AFAP1: variants seen among roughly 807,000 people sequenced by gnomAD.
AFAP1 encodes actin filament associated protein 1.
A neutral mutation model predicts 93.9 loss-of-function variants in AFAP1; 75 were observed. That is an observed-to-expected ratio of 0.80 (90% CI 0.66 to 0.97). The LOEUF (loss-of-function observed/expected upper bound fraction) is 0.97. AFAP1 is among the 50% of genes least tolerant of loss of function. AFAP1 has a pLI of 0.00. For missense variants in AFAP1, 1,201 were observed against 1,050.8 expected, an observed-to-expected ratio of 1.14 and a Z score of -1.98; for synonymous variants, 517 against 430.7, an observed-to-expected ratio of 1.20 and a Z score of -2.48.
intron 1 of AFAP1, among the ~76,000 whole-genome samples, chr4:7,894,455 G>T (rs529035021): frequency 3.5e-4 from 53 of 152,326 alleles, no homozygotes; most frequent in African/African-American, 1.0e-3. Flanking sequence ...TAGCACAGAG[G>T]AGCGTGAATT....
chr4:7,847,205 C>G (rs1237884797), intron 4 of AFAP1, among the ~76,000 whole-genome samples: 1 of 152,076 alleles, frequency 6.6e-6, no homozygotes, highest in Non-Finnish European at 1.5e-5. Context: ...GTGTCCCAAT[C>G]AAGAGAACTC....
chr4:7,933,193 C>G lies in AFAP1; in HGVS notation c.-3+6463G>C, dbSNP rs562077103. On this transcript the variant is annotated intron_variant, in intron 1 of 17. Coordinates refer to ENST00000420658, the MANE Select transcript of AFAP1 (RefSeq NM_001134647.2). Reference sequence around the variant, plus strand: ...CCCCGAGACCTGTGACTACGTCACACGGCATGGCCAAAGGGCTTTGCCACA... The same window carrying G: ...CCCCGAGACCTGTGACTACGTCACAGGGCATGGCCAAAGGGCTTTGCCACA... Among the ~76,000 whole-genome samples the G allele has an allele frequency of 5.2e-4, 79 of 152,166 alleles. 1 individual carries two copies. In the Middle Eastern group the frequency reaches 0.01, roughly 20 times the overall value.
intron 16 of AFAP1, among the ~76,000 whole-genome samples, chr4:7,770,463 A>T (rs1715275776): frequency 6.6e-6 from 1 of 152,204 alleles, no homozygotes; most frequent in African/African-American, 2.4e-5. Context: ...GGAGGGGCAG[A>T]GGACACTGCA....
At chr4:7,794,446 C>T (rs1577216222) in intron 10 of AFAP1, among the ~76,000 whole-genome samples, 1 of 152,210 alleles carries the variant, frequency 6.6e-6, no homozygotes, top group African/African-American at 2.4e-5. Context: ...CTATCTCCTC[C>T]ATTTGGTCTG....
intron 3 of AFAP1, among the ~76,000 whole-genome samples, chr4:7,856,431 C>T (rs563867180): frequency 6.6e-6 from 1 of 152,044 alleles, no homozygotes; most frequent in Non-Finnish European, 1.5e-5. Context: ...TTAGTAGAGA[C>T]AGGGTTTCAC....
intron 9 of AFAP1, among the ~76,000 whole-genome samples, chr4:7,803,188 A>T (rs1474917364): frequency 6.6e-6 from 1 of 152,226 alleles, no homozygotes. Context: ...AGGAAGAGGA[A>T]GGCAAGGAGT....
intron 12 of AFAP1, among the ~76,000 whole-genome samples, chr4:7,785,094 C>G (rs1274450487): frequency 6.6e-6 from 1 of 152,194 alleles, no homozygotes; most frequent in East Asian, 1.9e-4. Context: ...TCTCACAAGC[C>G]TCCTTCATTC....
Position 7,838,514 on chromosome 4 carries a change from GACA to G in AFAP1, c.726+7_726+9del. The stretch of plus-strand genomic sequence containing the variant: ...ACTGAAATGGCTGTGAAACACAGCA[GACA>G]ACCTACCTTCAGCCACTGCTCGGCC... On this transcript the variant is annotated splice_region_variant and intron_variant, in intron 6 of 17. Coordinates refer to ENST00000420658, the MANE Select transcript of AFAP1 (RefSeq NM_001134647.2). The G allele has an allele frequency of 1.2e-6, 2 of 1,609,092 alleles. No homozygotes were observed. Among genetic ancestry groups the G allele is most frequent in the South Asian group, 2.2e-5 (2 of 90,376 alleles).
In AFAP1 at chr4:7,844,727, G is replaced by A. The variant is rs138557991; in HGVS notation, c.335-1377C>T. On this transcript the variant is annotated intron_variant, in intron 4 of 17. Transcript: ENST00000420658. The stretch of plus-strand genomic sequence containing the variant: ...CAAAGCCCTTGGAAGGGCCAATGGC[G>A]TAGTAAAAGGTCTTCCTAAATACCA... Among the ~76,000 whole-genome samples the A allele has an allele frequency of 3.7e-3, 561 of 152,356 alleles. 3 individuals are homozygous for A. Among genetic ancestry groups the A allele is most frequent in the African/African-American group, 0.012 (498 of 41,586 alleles).
intron 1 of AFAP1, among the ~76,000 whole-genome samples, chr4:7,917,272 T>C (rs2149232286): frequency 6.6e-6 from 1 of 152,262 alleles, no homozygotes; most frequent in East Asian, 1.9e-4. Flanking sequence ...TGTATCGTCA[T>C]GAAAGGATAT....
chr4:7,830,252 C>T (rs541344342), intron 6 of AFAP1, among the ~76,000 whole-genome samples: 2 of 151,844 alleles, frequency 1.3e-5, no homozygotes, highest in South Asian at 4.2e-4. Flanking sequence ...TCCTGCACCG[C>T]TGGGAGAAGG....
intron 14 of AFAP1, chr4:7,776,896 G>C (rs10516188): frequency 0.11 from 16,391 of 152,156 alleles, 1,158 homozygotes; most frequent in East Asian, 0.28. Flanking sequence ...CACATCTTTT[G>C]GTCCCCATGT....
intron 1 of AFAP1, among the ~76,000 whole-genome samples, chr4:7,934,612 G>C (rs1560244426): frequency 6.6e-6 from 1 of 152,188 alleles, no homozygotes; most frequent in East Asian, 1.9e-4. Flanking sequence ...AAAGGCAGAG[G>C]AGAGAGAGGA....
At chr4:7,801,101 G>T (rs1377988771) in intron 9 of AFAP1, among the ~76,000 whole-genome samples, 1 of 151,900 alleles carries the variant, frequency 6.6e-6, no homozygotes, top group African/African-American at 2.4e-5. Flanking sequence ...GGCAGATTTT[G>T]GCTTAACATG....
intron 1 of AFAP1, among the ~76,000 whole-genome samples, chr4:7,888,799 G>A (rs1268283955): frequency 6.6e-6 from 1 of 151,828 alleles, no homozygotes. Context: ...TTTTGTTGTT[G>A]TTGTTTTTTG....
At chr4:7,810,737 C>G (rs1203292004) in intron 8 of AFAP1, among the ~76,000 whole-genome samples, 1 of 152,234 alleles carries the variant, frequency 6.6e-6, no homozygotes, top group East Asian at 1.9e-4. Context: ...AACTCTGGAC[C>G]CGCATGTGGG....
intron 1 of AFAP1, among the ~76,000 whole-genome samples, chr4:7,874,536 T>TTA (rs2149188857): frequency 1.3e-5 from 1 of 79,026 alleles, no homozygotes; most frequent in East Asian, 3.0e-4. Flanking sequence ...GCTAATTTTT[T>TTA]TTTTTTTTTT....
intron 16 of AFAP1, 71 bp from the exon 17 acceptor site, chr4:7,769,079 A>T: frequency 1.4e-6 from 2 of 1,480,160 alleles, no homozygotes; most frequent in Non-Finnish European, 1.8e-6. Context: ...CAGGAAAATG[A>T]TTTATTTCAA....
intron 11 of AFAP1, among the ~76,000 whole-genome samples, chr4:7,787,280 C>A (rs1451633554): frequency 6.6e-6 from 1 of 152,246 alleles, no homozygotes; most frequent in Non-Finnish European, 1.5e-5. Context: ...CTGTGCCCCA[C>A]ATGCTTTGCC....
Sources: allele counts gnomAD v4.1 joint callset (sites outside exome capture counted in the v4.1 genomes callset), GRCh38; gene constraint gnomAD v4.1.1; transcripts MANE v1.5; gene names NCBI Gene and HGNC (gene_info 2026-07-23, HGNC 2026-07-21).